The following ZFP30 variants were observed in gnomAD, a reference collection of about 807,000 sequenced individuals.
The protein encoded by ZFP30 is zinc finger protein 30 homolog.
Under a neutral mutation model 12.3 loss-of-function variants are expected in ZFP30, and 16 were observed. The ratio of observed to expected loss-of-function variants is 1.30; its 90% CI spans 0.88 to 1.98. ZFP30 has a LOEUF of 1.98. Ranked by LOEUF, ZFP30 falls within the 30% of genes most tolerant of loss-of-function variation. The pLI, the probability that ZFP30 is intolerant of heterozygous loss-of-function variation, is 0.00. For synonymous variants in ZFP30, 172 were observed against 201.0 expected (o/e 0.86, Z 1.22); for missense variants, 560 against 611.2 (o/e 0.92, Z 0.88).
At chr19:37,655,396 C>T (rs2044736073) in intron 1 of ZFP30, 24 bp downstream of exon 1, 1 of 152,650 alleles carries the variant, frequency 6.6e-6, no homozygotes, top group Non-Finnish European at 1.5e-5. Context: ...CACAGTGGCG[C>T]CCGGCTCCCA....
Position 37,647,815 on chromosome 19 carries a change from C to A in ZFP30, c.8G>T (p.Arg3Leu), listed in dbSNP as rs73621535. The change falls in exon 3 of 6, where the codon CGT becomes CTT. Residue 3 changes from arginine (R) to leucine (L), a missense_variant and splice_region_variant. By Grantham distance (102) the Arg-to-Leu change is moderately radical. Transcript: ENST00000684514. MA[R>L]DLVMFRDVAV... ...AAGTAGAGAGAAATTCCAACTTACA[C>A]GAGCCATGATTTTAGAACTGCTAGA... 4 of 1,614,012 alleles carry A rather than the reference C, an allele frequency of 2.5e-6. No individual in the cohort carries two copies. Among genetic ancestry groups the A allele is most frequent in the Admixed American group, 1.7e-5 (1 of 60,014 alleles).
intron 5 of ZFP30, among the ~76,000 whole-genome samples, chr19:37,637,731 G>T (rs1365731116): frequency 2.6e-5 from 4 of 151,892 alleles, no homozygotes; most frequent in Non-Finnish European, 5.9e-5. Context: ...CAAGTGATCT[G>T]CCCGCCTCAG....
chr19:37,647,995 C>A, intron 2 of ZFP30, 96 bp from the exon 3 acceptor site: 1 of 648,870 alleles, frequency 1.5e-6, no homozygotes, highest in East Asian at 2.7e-5. Context: ...ATATGCAACT[C>A]CCACCCCCAA....
Position 37,636,070 on chromosome 19 carries a change from G to T in ZFP30, c.471C>A (p.Pro157=). 6.2e-7 allele frequency: 1 copy of T among 1,614,154 alleles called. No homozygotes were observed. The highest frequency in any genetic ancestry group is 8.5e-7 in the Non-Finnish European group (1 of 1,180,024). ...CCTTCCCACATTCCCCACATTCGTA[G>T]GGTTTCTCTCTGTTATGACTTTTCT... ...LYQKSHNREK[P]YECGECGKAF... Residue 157 remains proline, a synonymous_variant, in exon 6 of 6, where the codon CCC becomes CCA. Coordinates refer to ENST00000684514, the MANE Select transcript of ZFP30 (RefSeq NM_001320669.3).
chr19:37,642,645 T>A (rs1039970366), intron 5 of ZFP30, among the ~76,000 whole-genome samples: 2 of 151,934 alleles, frequency 1.3e-5, no homozygotes, highest in Non-Finnish European at 2.9e-5. Context: ...AGTCAAAATA[T>A]AAAAGATGAG....
Position 37,636,719 on chromosome 19 carries a change from C to CT in ZFP30, c.236-415dup, listed in dbSNP as rs951582570. 1.7e-3 allele frequency among the ~76,000 whole-genome samples: 243 copies of CT among 145,636 alleles called. 2 individuals are homozygous for CT. Among genetic ancestry groups the CT allele is most frequent in the Admixed American group, 8.2e-4 (12 of 14,560 alleles). ...TAGAATGTGTCACAATCTTTCTTTT[C>CT]TTTTTTTTTTTTCGAGACGGAGTCT... On this transcript the variant is annotated intron_variant, in intron 5 of 5. Coordinates refer to ENST00000684514, the MANE Select transcript of ZFP30 (RefSeq NM_001320669.3).
chr19:37,636,399 A>AG, intron 5 of ZFP30, 94 bp from the exon 6 acceptor site: 1 of 1,314,404 alleles, frequency 7.6e-7, no homozygotes, highest in Non-Finnish European at 1.0e-6. Context: ...AAAAAAAAAA[A>AG]AAAAGAAAAA....
At position 37,648,229 on chromosome 19, in the gene ZFP30, G is replaced by A. The variant is rs141332804; in HGVS notation, c.-77-330C>T. 6.4e-3 allele frequency among the ~76,000 whole-genome samples: 977 copies of A among 152,252 alleles called. 12 individuals carry two copies. The highest frequency in any genetic ancestry group is 0.01 in the Non-Finnish European group (704 of 68,010). On this transcript the variant is annotated intron_variant, in intron 2 of 5. Coordinates refer to ENST00000684514, the MANE Select transcript of ZFP30 (RefSeq NM_001320669.3). ...AGAATGGGTTGTGCAGACCTGTCCTGAACAGATCCTCCTCCCTCCATCCCC... is the reference window on the plus strand; with the variant it reads ...AGAATGGGTTGTGCAGACCTGTCCTAAACAGATCCTCCTCCCTCCATCCCC...
intron 5 of ZFP30, among the ~76,000 whole-genome samples, chr19:37,639,119 T>C (rs1296664629): frequency 6.6e-6 from 1 of 152,158 alleles, no homozygotes; most frequent in Non-Finnish European, 1.5e-5. Context: ...TCTCTTTCTC[T>C]GTCTCCCCAT....
chr19:37,650,485 C>G (rs937981167), intron 2 of ZFP30, among the ~76,000 whole-genome samples: 2 of 152,136 alleles, frequency 1.3e-5, no homozygotes, highest in Non-Finnish European at 2.9e-5. Context: ...TCACAAAAAG[C>G]TCCAACAGTT....
intron 4 of ZFP30, among the ~76,000 whole-genome samples, chr19:37,644,108 T>A (rs1268090710): frequency 6.6e-6 from 1 of 152,204 alleles, no homozygotes; most frequent in Non-Finnish European, 1.5e-5. Flanking sequence ...AGAATTTATA[T>A]CCAGCTGTCA....
In ZFP30 at chr19:37,636,189, C is replaced by G. The variant is rs2044322684; in HGVS notation, c.352G>C (p.Glu118Gln). The G allele has an allele frequency of 1.2e-6, 2 of 1,613,974 alleles. No individual in the cohort carries two copies. The highest frequency in any genetic ancestry group is 1.3e-5 in the African/African-American group (1 of 74,922). The change falls in exon 6 of 6, where the codon GAA (glutamate) becomes CAA (glutamine). Residue 118 changes from glutamate to glutamine, a missense_variant. Glu to Gln is a conservative substitution (Grantham distance 29). Transcript: ENST00000684514. ...RIKSCGLEEQESPHEVCFRQV... is the reference protein window; with the variant it reads ...RIKSCGLEEQQSPHEVCFRQV... ...CTGAAACACACCTCATGAGGACTTT[C>G]TTGTTCTTCAAGTCCACAGCTTTTA... is the stretch of plus-strand genomic sequence containing the variant.
upstream of ZFP30, chr19:37,655,993 T>G (rs1001705287): frequency 6.6e-6 from 1 of 152,442 alleles, no homozygotes; most frequent in Non-Finnish European, 1.5e-5. Context: ...TGTTCAAATC[T>G]AGGCCTGTAG....
At chr19:37,652,144 G>A (rs1238383442) in intron 2 of ZFP30, among the ~76,000 whole-genome samples, 1 of 152,164 alleles carries the variant, frequency 6.6e-6, no homozygotes, top group Admixed American at 6.5e-5. Flanking sequence ...GGATCACTGG[G>A]ATGTCACTTT....
chr19:37,636,613 CG>C lies in ZFP30; in HGVS notation c.236-309del, dbSNP rs1237688329. 7.2e-5 allele frequency among the ~76,000 whole-genome samples: 11 copies of C among 152,236 alleles called. No homozygotes were observed. The South Asian group carries it at 8.3e-4, about 11-fold the overall frequency. ...TTATCAGGAGTAACATGGACTCTGT[CG>C]AACACAAGGTATCAACTCAAGCCAC... is the stretch of plus-strand genomic sequence containing the variant. On this transcript the variant is annotated intron_variant, in intron 5 of 5. Transcript: ENST00000684514.
chr19:37,643,449 G>T (rs1423983242), intron 4 of ZFP30, 86 bp from the exon 5 acceptor site: 4 of 956,570 alleles, frequency 4.2e-6, no homozygotes, highest in Non-Finnish European at 5.6e-6. Context: ...AACATTCATA[G>T]CATAGAGTTA....
chr19:37,644,862 T>G, intron 3 of ZFP30, 126 bp from the exon 4 acceptor site: 1 of 940,890 alleles, frequency 1.1e-6, no homozygotes, highest in East Asian at 2.9e-5. Context: ...GCAGGAGGAC[T>G]GCTTGAGGCC....
intron 3 of ZFP30, 119 bp from the exon 4 acceptor site, chr19:37,644,855 G>A: frequency 9.8e-7 from 1 of 1,023,956 alleles, no homozygotes; most frequent in South Asian, 1.7e-5. Flanking sequence ...GCCTGAAGCA[G>A]GAGGACTGCT....
chr19:37,643,410 C>A, intron 4 of ZFP30, 47 bp from the exon 5 acceptor site: 1 of 1,342,274 alleles, frequency 7.5e-7, no homozygotes, highest in Non-Finnish European at 9.9e-7. Flanking sequence ...TTTAAGGCTT[C>A]AAAACAAAGA....
Sources: gnomAD v4.1 joint callset for allele counts (sites outside exome capture counted in the v4.1 genomes callset) on GRCh38, gnomAD v4.1.1 for gene constraint, MANE v1.5 for transcripts, NCBI Gene and HGNC (gene_info 2026-07-23, HGNC 2026-07-21) for gene names.